Variants in KCNIP4 observed in about 807,000 individuals in gnomAD.
KCNIP4 encodes Kv channel-interacting protein 4.
A neutral mutation model predicts 34.0 loss-of-function variants in KCNIP4; 12 were observed. The ratio of observed to expected loss-of-function variants is 0.35; its 90% CI spans 0.23 to 0.57. KCNIP4 has a LOEUF of 0.57. Among genes scored for constraint, KCNIP4 ranks in the 20% least tolerant of loss-of-function variants. KCNIP4 has a pLI of 0.83. For missense variants in KCNIP4, 238 were observed against 311.7 expected (o/e 0.76, Z 1.78); for synonymous variants, 124 against 102.2 (o/e 1.21, Z -1.29).
intron 1 of KCNIP4, among the ~76,000 whole-genome samples, chr4:21,799,605 G>T (rs1002028360): frequency 6.6e-6 from 1 of 152,090 alleles, no homozygotes; most frequent in African/African-American, 2.4e-5. Flanking sequence ...TTAAAAACAA[G>T]ATAGTAAATA....
rs891425547 is a variant in KCNIP4, at chr4:21,293,049, C to T, written c.62-410340G>A. 1.5e-4 allele frequency among the ~76,000 whole-genome samples: 23 copies of T among 152,066 alleles called. 1 individual carries two copies. Among genetic ancestry groups the T allele is most frequent in the Non-Finnish European group, 2.8e-4 (19 of 68,020 alleles). ...GGACAAACAGTTTTAGGGTGATACT[C>T]GACATCTGTAGGACATGGATAGATA... On this transcript the variant is annotated intron_variant, in intron 1 of 8. Coordinates refer to ENST00000382152, the MANE Select transcript of KCNIP4 (RefSeq NM_025221.6).
At chr4:21,588,404 C>A (rs1321699271) in intron 1 of KCNIP4, among the ~76,000 whole-genome samples, 1 of 151,916 alleles carries the variant, frequency 6.6e-6, no homozygotes, top group East Asian at 1.9e-4. Flanking sequence ...AAGATGGCAA[C>A]CTTAAACCAA....
rs1392153040 is a variant in KCNIP4, at chr4:21,234,451, T to TTACATATAACGTATACAATATATAG, written c.62-351743_62-351742insCTATATATTGTATACGTTATATGTA. Among the ~76,000 whole-genome samples the TTACATATAACGTATACAATATATAG allele has an allele frequency of 4.8e-4, 50 of 103,946 alleles. 6 individuals carry two copies. Among genetic ancestry groups the TTACATATAACGTATACAATATATAG allele is most frequent in the Non-Finnish European group, 4.5e-4 (24 of 53,454 alleles). 68.2% of individuals were successfully genotyped at this position (103,946 alleles called of 152,430 possible). A position where few individuals can be genotyped will look rare whatever the true frequency, so the allele number is the denominator to read the frequency against. ...TTACATATAACGTATATAATATATA[T>TTACATATAACGTATACAATATATAG]TACATATAACGTATATAATATATAG... On this transcript the variant is annotated intron_variant, in intron 1 of 8. Coordinates refer to ENST00000382152, the MANE Select transcript of KCNIP4 (RefSeq NM_025221.6).
At chr4:21,394,209 G>A (rs1022598935) in intron 1 of KCNIP4, among the ~76,000 whole-genome samples, 25 of 152,030 alleles carry the variant, frequency 1.6e-4, no homozygotes, top group Non-Finnish European at 2.1e-4. Context: ...TTGCATAAAG[G>A]CAATGTCTCT....
At chr4:21,562,109 C>T (rs1739524929) in intron 1 of KCNIP4, among the ~76,000 whole-genome samples, 1 of 151,854 alleles carries the variant, frequency 6.6e-6, no homozygotes, top group Admixed American at 6.6e-5. Flanking sequence ...TCTGTCTCTC[C>T]ATTTGCCTTC....
intron 1 of KCNIP4, among the ~76,000 whole-genome samples, chr4:21,930,755 C>G (rs1456832243): frequency 6.6e-6 from 1 of 152,104 alleles, no homozygotes; most frequent in Non-Finnish European, 1.5e-5. Context: ...CTTAGCTTCT[C>G]TAAGTAGGTA....
At chr4:20,758,375 C>T (rs1057173936) in intron 4 of KCNIP4, among the ~76,000 whole-genome samples, 3 of 152,168 alleles carry the variant, frequency 2.0e-5, no homozygotes, top group African/African-American at 7.2e-5. Context: ...TAACCCAGAT[C>T]TGCCACTGAG....
At chr4:20,870,785 G>A (rs1560530933) in intron 2 of KCNIP4, among the ~76,000 whole-genome samples, 2 of 152,064 alleles carry the variant, frequency 1.3e-5, no homozygotes, top group South Asian at 2.1e-4. Context: ...ATCCTGAATG[G>A]TTTGCTATTC....
intron 1 of KCNIP4, among the ~76,000 whole-genome samples, chr4:21,820,768 A>C (rs1255342927): frequency 6.6e-6 from 1 of 152,150 alleles, no homozygotes; most frequent in Non-Finnish European, 1.5e-5. Flanking sequence ...TGATCATTAA[A>C]GTTTTTTCTT....
At position 21,733,741 on chromosome 4, in the gene KCNIP4, A is replaced by G. The variant is rs374305571; in HGVS notation, c.61+214830T>C. Among the ~76,000 whole-genome samples, 24 of 152,184 alleles carry G rather than the reference A, an allele frequency of 1.6e-4. 2 individuals carry two copies. The South Asian group carries it at 4.8e-3, about 30-fold the overall frequency. Reference sequence around the variant, plus strand: ...GTGGAGATTCTTGTGGGGAGTGGGGAGGATAACTTCCCCAAGGGATATAGC... The same window carrying G: ...GTGGAGATTCTTGTGGGGAGTGGGGGGGATAACTTCCCCAAGGGATATAGC... On this transcript the variant is annotated intron_variant, in intron 1 of 8. Transcript: ENST00000382152.
chr4:21,799,085 T>G (rs1720833703), intron 1 of KCNIP4, among the ~76,000 whole-genome samples: 1 of 152,154 alleles, frequency 6.6e-6, no homozygotes, highest in Non-Finnish European at 1.5e-5. Context: ...CTTGAAAGTA[T>G]GAGCATACTA....
chr4:21,932,005 T>A (rs1421615511), intron 1 of KCNIP4, among the ~76,000 whole-genome samples: 1 of 152,074 alleles, frequency 6.6e-6, no homozygotes, highest in Non-Finnish European at 1.5e-5. Flanking sequence ...GGTAGGCCAA[T>A]ACTGACTCAG....
rs201479319 is a variant in KCNIP4 at position 21,556,920 on chromosome 4, CAG to C, written c.61+391649_61+391650del. ...TGATCAACAAAGCAAGACTCCATCTCAGAAAAAAAAAAAAAAAAAAAAACCAG... is the reference window on the plus strand; with the variant it reads ...TGATCAACAAAGCAAGACTCCATCTCAAAAAAAAAAAAAAAAAAAAACCAG... On this transcript the variant is annotated intron_variant, in intron 1 of 8. Transcript: ENST00000382152. Among the ~76,000 whole-genome samples the C allele has an allele frequency of 5.9e-4, 21 of 35,652 alleles. 3 individuals carry two copies. The highest frequency in any genetic ancestry group is 1.3e-3 in the East Asian group (1 of 798). The allele number at this position is 35,652 out of a possible 152,430, so 23.4% of individuals were successfully genotyped here. A position where few individuals can be genotyped will look rare whatever the true frequency, so the allele number is the denominator to read the frequency against.
chr4:21,522,734 G>A lies in KCNIP4; in HGVS notation c.61+425837C>T, dbSNP rs114307569. On this transcript the variant is annotated intron_variant, in intron 1 of 8. Transcript: ENST00000382152. ...AGGCAAAATTCTCCATTCCTCTAATGTTAAAAGCGTTATCTGTAAAGTGAG... is the reference window on the plus strand; with the variant it reads ...AGGCAAAATTCTCCATTCCTCTAATATTAAAAGCGTTATCTGTAAAGTGAG... Among the ~76,000 whole-genome samples, 910 of 151,638 alleles carry A rather than the reference G, an allele frequency of 6.0e-3. 13 individuals carry two copies. The highest frequency in any genetic ancestry group is 0.021 in the African/African-American group (872 of 41,290).
At chr4:21,367,726 G>A (rs73802590) in intron 1 of KCNIP4, among the ~76,000 whole-genome samples, 1,923 of 147,402 alleles carry the variant, frequency 0.013, 373 homozygotes, top group African/African-American at 0.05. Context: ...ATCTGTGTAG[G>A]AGTTCCTGTT....
intron 1 of KCNIP4, among the ~76,000 whole-genome samples, chr4:21,401,598 T>G (rs1723565574): frequency 6.6e-6 from 1 of 152,218 alleles, no homozygotes; most frequent in African/African-American, 2.4e-5. Flanking sequence ...CCTTTCAGAT[T>G]CTTAAAACAC....
chr4:20,749,648 A>G lies in KCNIP4; in HGVS notation c.429+14T>C. On this transcript the variant is annotated intron_variant, in intron 5 of 8. Transcript: ENST00000382152. ...CTAAATAGTCAAATGATATGAAAAT[A>G]ATCCAGAGCTTACCTCGAAACTCAC... The G allele has an allele frequency of 6.4e-7, 1 of 1,561,532 alleles. No homozygotes were observed. The highest frequency in any genetic ancestry group is 8.8e-7 in the Non-Finnish European group (1 of 1,137,088).
intron 1 of KCNIP4, among the ~76,000 whole-genome samples, chr4:21,028,250 C>G (rs936217257): frequency 3.3e-5 from 5 of 152,132 alleles, no homozygotes; most frequent in African/African-American, 1.2e-4. Context: ...AGCACGTCTA[C>G]TTGCTTCTAT....
intron 1 of KCNIP4, among the ~76,000 whole-genome samples, chr4:21,134,840 A>C (rs942770114): frequency 6.6e-6 from 1 of 152,230 alleles, no homozygotes; most frequent in Non-Finnish European, 1.5e-5. Flanking sequence ...GTCAACACAG[A>C]GCTCCATGAT....
Sources: allele counts gnomAD v4.1 joint callset (sites outside exome capture counted in the v4.1 genomes callset), GRCh38; gene constraint gnomAD v4.1.1; transcripts MANE v1.5; gene names NCBI Gene and HGNC (gene_info 2026-07-23, HGNC 2026-07-21).